The following ABAT variants were observed in gnomAD, a reference collection of about 807,000 sequenced individuals.
The protein encoded by ABAT is 4-aminobutyrate aminotransferase, also known as 4-aminobutyrate aminotransferase, mitochondrial.
In ABAT, 45 loss-of-function variants were observed where a neutral mutation model predicts 64.6. That is an observed-to-expected ratio of 0.70 (90% CI 0.55 to 0.89). The LOEUF is 0.89. ABAT is among the 40% of genes least tolerant of loss of function. ABAT has a pLI of 0.00. For synonymous variants in ABAT, 297 were observed against 250.5 expected (o/e 1.19, Z -1.75); for missense variants, 633 against 658.4 (o/e 0.96, Z 0.42).
At chr16:8,775,195 C>G (rs1313803034) in intron 13 of ABAT, 138 bp downstream of exon 13, 2 of 1,121,408 alleles carry the variant, frequency 1.8e-6, no homozygotes, top group Middle Eastern at 2.7e-4. Context: ...CAGTTCTTAT[C>G]AATGCAATTA....
At chr16:8,680,355 A>G (rs1337861714) in intron 1 of ABAT, among the ~76,000 whole-genome samples, 1 of 152,254 alleles carries the variant, frequency 6.6e-6, no homozygotes, top group Non-Finnish European at 1.5e-5. Context: ...GACTGAATGC[A>G]GAAAAGTATT....
chr16:8,739,544 C>T (rs1418223133), intron 2 of ABAT, among the ~76,000 whole-genome samples: 4 of 151,968 alleles, frequency 2.6e-5, no homozygotes, highest in Non-Finnish European at 5.9e-5. Context: ...ATGATGAAAC[C>T]CCGTCTCTAC....
Position 8,776,569 on chromosome 16 carries a change from G to A in ABAT, c.1269+79G>A, listed in dbSNP as rs893432564. On this transcript the variant is annotated intron_variant, in intron 14 of 15. Transcript: ENST00000268251. The surrounding 1 kb of genome is among the most constrained non-coding windows in gnomAD (Gnocchi z 4.4). The stretch of plus-strand genomic sequence containing the variant: ...CTCCGGGGCAACACTGGAGCTCTTC[G>A]GCATGGTGTTGTGCCTGCTGTTCCA... 9.8e-6 allele frequency: 14 copies of A among 1,434,020 alleles called. No homozygotes were observed. The highest frequency in any genetic ancestry group is 1.2e-5 in the Non-Finnish European group (13 of 1,047,260). 88.8% of individuals were successfully genotyped at this position (1,434,020 alleles called of 1,614,324 possible).
At chr16:8,716,145 C>G (rs1387534387) in intron 1 of ABAT, among the ~76,000 whole-genome samples, 6 of 152,112 alleles carry the variant, frequency 3.9e-5, no homozygotes, top group African/African-American at 1.4e-4. Flanking sequence ...CACCCATTTT[C>G]CAGTGGAGAA....
Position 8,775,009 on chromosome 16 carries a change from G to A in ABAT, c.1074G>A (p.Lys358=), listed in dbSNP as rs766399613. The change falls in exon 13 of 16, where the codon AAG becomes AAA. Residue 358 remains lysine (K), a synonymous_variant. Coordinates refer to ENST00000268251, the MANE Select transcript of ABAT (RefSeq NM_020686.6). ...DPADVMTFSK[K]MMTGGFFHKE... is the part of the protein sequence containing the mutation. ...CAGACGTGATGACCTTCAGCAAGAA[G>A]ATGATGACTGGGGGCTTCTTCCACA... is the stretch of plus-strand genomic sequence containing the variant. The A allele has an allele frequency of 6.2e-7, 1 of 1,614,228 alleles. No homozygotes were observed. The highest frequency in any genetic ancestry group is 8.5e-7 in the Non-Finnish European group (1 of 1,180,046).
chr16:8,745,713 A>C (rs2059308973), intron 2 of ABAT, among the ~76,000 whole-genome samples: 2 of 151,952 alleles, frequency 1.3e-5, no homozygotes, highest in Non-Finnish European at 2.9e-5. Flanking sequence ...AAAATGAATA[A>C]ATAAATACAA....
intron 5 of ABAT, among the ~76,000 whole-genome samples, chr16:8,754,666 A>ATTTCTTTC (rs1189573096): frequency 7.9e-3 from 92 of 11,642 alleles, no homozygotes; most frequent in African/African-American, 0.011. Flanking sequence ...AAGTTGATTT[A>ATTTCTTTC]TTTATTTCTT....
At chr16:8,775,170 A>G (rs2060229787) in intron 13 of ABAT, 113 bp downstream of exon 13, 1 of 1,386,340 alleles carries the variant, frequency 7.2e-7, no homozygotes, top group Non-Finnish European at 1.0e-6. Flanking sequence ...ACTGGGTCGC[A>G]GGTTTTCTAA....
chr16:8,708,444 C>T (rs561304771), intron 1 of ABAT, among the ~76,000 whole-genome samples: 18 of 151,942 alleles, frequency 1.2e-4, no homozygotes, highest in African/African-American at 4.3e-4. Flanking sequence ...ACAGGGATGG[C>T]AGTGGTGGGG....
At chr16:8,767,310 A>T (rs1032200812) in intron 9 of ABAT, among the ~76,000 whole-genome samples, 2 of 152,264 alleles carry the variant, frequency 1.3e-5, no homozygotes, top group East Asian at 3.9e-4. Context: ...GTGCCCGGAG[A>T]GGGGCTCCCC....
chr16:8,715,297 A>T (rs192115392), intron 1 of ABAT: 247 of 152,214 alleles, frequency 1.6e-3, no homozygotes, highest in African/African-American at 5.7e-3. Context: ...GTTTGATCCT[A>T]GGATGAAGCC....
chr16:8,730,617 C>T (rs891589806), intron 1 of ABAT, among the ~76,000 whole-genome samples: 1 of 152,130 alleles, frequency 6.6e-6, no homozygotes, highest in African/African-American at 2.4e-5. Flanking sequence ...ATCACAGAAG[C>T]AGGGGGTGGG....
At chr16:8,754,437 G>C (rs1291347075) in intron 5 of ABAT, among the ~76,000 whole-genome samples, 2 of 152,090 alleles carry the variant, frequency 1.3e-5, no homozygotes, top group Non-Finnish European at 2.9e-5. Context: ...AGAGGGGGTG[G>C]TCTGGAAAGT....
intron 2 of ABAT, among the ~76,000 whole-genome samples, chr16:8,741,464 GTCT>G (rs1567298046): frequency 1.3e-5 from 2 of 152,182 alleles, no homozygotes; most frequent in East Asian, 1.9e-4. Flanking sequence ...GAGCCTCAGC[GTCT>G]TCTTCTGTAA....
Position 8,734,007 on chromosome 16 carries a change from G to A in ABAT, c.-41-1692G>A, listed in dbSNP as rs190860633. ...AGGCTGCATAATATTCCACTCTGTG[G>A]ATACAGCATATTTTTTCCCATTCAT... On this transcript the variant is annotated intron_variant, in intron 1 of 15. Transcript: ENST00000268251. 1.1e-4 allele frequency among the ~76,000 whole-genome samples: 17 copies of A among 152,188 alleles called. No individual in the cohort carries two copies. The East Asian group carries it at 2.9e-3, about 26-fold the overall frequency.
chr16:8,754,742 G>A (rs909549560), intron 5 of ABAT, among the ~76,000 whole-genome samples: 9 of 145,026 alleles, frequency 6.2e-5, no homozygotes, highest in Admixed American at 5.6e-4. Flanking sequence ...TCTTGAAAAC[G>A]GAGTCCCATT....
At chr16:8,713,916 G>A (rs1354204036) in intron 1 of ABAT, 1 of 456,132 alleles carries the variant, frequency 2.2e-6, no homozygotes, top group Admixed American at 2.3e-5. Context: ...ACATGTGTAT[G>A]TATTTGCTGC....
chr16:8,781,125 G>GT lies in ABAT; in HGVS notation c.1382-184_1382-183insT, dbSNP rs2060423701. ...TGGAGGAGATGAATGAGGGGAGAGAGAAAGGAAATGAAGACTGGATGGGTG... is the reference window on the plus strand; with the variant it reads ...TGGAGGAGATGAATGAGGGGAGAGAGTAAAGGAAATGAAGACTGGATGGGTG... On this transcript the variant is annotated intron_variant, in intron 15 of 15. Coordinates refer to ENST00000268251, the MANE Select transcript of ABAT (RefSeq NM_020686.6). The surrounding 1 kb of genome is among the most constrained non-coding windows in gnomAD (Gnocchi z 4.5). 1.2e-6 allele frequency: 1 copy of GT among 852,692 alleles called. No homozygotes were observed. The highest frequency in any genetic ancestry group is 2.0e-6 in the Non-Finnish European group (1 of 498,796). The allele number at this position is 852,692 out of a possible 1,614,324, so 52.8% of individuals were successfully genotyped here. A position where few individuals can be genotyped will look rare whatever the true frequency, so the allele number is the denominator to read the frequency against.
At chr16:8,746,536 A>C (rs765676182) in intron 3 of ABAT, among the ~76,000 whole-genome samples, 1 of 151,180 alleles carries the variant, frequency 6.6e-6, no homozygotes, top group Non-Finnish European at 1.5e-5. Flanking sequence ...ACGCACCACC[A>C]CGCCTGGCTA....
Sources: allele counts gnomAD v4.1 joint callset (sites outside exome capture counted in the v4.1 genomes callset), GRCh38; gene constraint gnomAD v4.1.1; non-coding constraint Gnocchi (gnomAD v3.1); transcripts MANE v1.5; gene names NCBI Gene and HGNC (gene_info 2026-07-23, HGNC 2026-07-21).